Variants in ZNF431 observed in about 807,000 individuals in gnomAD.
ZNF431 encodes zinc finger protein 431.
A neutral mutation model predicts 57.0 loss-of-function variants in ZNF431; 34 were observed. The ratio of observed to expected loss-of-function variants is 0.60; its 90% CI spans 0.45 to 0.79. The LOEUF is 0.79. Among genes scored for constraint, ZNF431 ranks in the 30% least tolerant of loss-of-function variants. ZNF431 has a pLI of 0.00. For missense variants in ZNF431, 607 were observed against 667.1 expected (o/e 0.91, Z 0.99); for synonymous variants, 207 against 220.3 (o/e 0.94, Z 0.54).
At chr19:21,179,610 A>G (rs1262411318) in intron 4 of ZNF431, among the ~76,000 whole-genome samples, 3 of 133,864 alleles carry the variant, frequency 2.2e-5, no homozygotes, top group Middle Eastern at 4.6e-3. Context: ...CCCAGGCTGG[A>G]GTGTAGTGGT....
chr19:21,182,489 A>G (rs1483557857), intron 4 of ZNF431, 134 bp from the exon 5 acceptor site: 5 of 998,128 alleles, frequency 5.0e-6, no homozygotes, highest in African/African-American at 3.3e-5. Context: ...TTATATGTCT[A>G]TGAAGGATTT....
intron 3 of ZNF431, 59 bp downstream of exon 3, chr19:21,166,520 T>G (rs1297887506): frequency 2.0e-6 from 3 of 1,527,306 alleles, no homozygotes; most frequent in Admixed American, 4.7e-5. Context: ...TGTCTCTTTT[T>G]TTGTAGAATT....
chr19:21,180,417 A>G (rs1048179185), intron 4 of ZNF431, among the ~76,000 whole-genome samples: 3 of 151,798 alleles, frequency 2.0e-5, no homozygotes, highest in African/African-American at 4.8e-5. Context: ...AAAGAATTTT[A>G]TTTTTCTCCA....
intron 4 of ZNF431, among the ~76,000 whole-genome samples, chr19:21,168,371 A>ATT (rs548268547): frequency 4.1e-5 from 6 of 145,802 alleles, no homozygotes; most frequent in African/African-American, 7.5e-5. Flanking sequence ...CAAGACATGA[A>ATT]TTTTTTTTTT....
chr19:21,178,746 T>C (rs1200830381), intron 4 of ZNF431, among the ~76,000 whole-genome samples: 1 of 151,986 alleles, frequency 6.6e-6, no homozygotes, highest in Non-Finnish European at 1.5e-5. Flanking sequence ...CAGCATTTTA[T>C]TGAGAATTTT....
In ZNF431 at chr19:21,182,850, A is replaced by G. The variant is rs111280789; in HGVS notation, c.547A>G (p.Lys183Glu). The change falls in exon 5 of 5, where the codon AAA (lysine) becomes GAA (glutamate). Residue 183 changes from lysine (K) to glutamate (E), a missense_variant. Lys to Glu is a moderately conservative substitution (Grantham distance 56). Transcript: ENST00000311048. ...SKIFPCDKYV[K>E]VFHKFLNANR... ...AATATTTCCATGTGATAAATATGTG[A>G]AAGTCTTTCATAAATTTTTAAATGC... The G allele has an allele frequency of 1.2e-6, 2 of 1,614,024 alleles. No homozygotes were observed. The highest frequency in any genetic ancestry group is 1.7e-6 in the Non-Finnish European group (2 of 1,179,934).
chr19:21,145,245 G>A (rs2144918364), intron 2 of ZNF431, among the ~76,000 whole-genome samples: 1 of 152,322 alleles, frequency 6.6e-6, no homozygotes, highest in East Asian at 1.9e-4. Flanking sequence ...GGAGGCCAAG[G>A]TGGGTGGATC....
chr19:21,164,947 C>T (rs1173241536), intron 2 of ZNF431, among the ~76,000 whole-genome samples: 2 of 151,102 alleles, frequency 1.3e-5, no homozygotes, highest in African/African-American at 4.9e-5. Flanking sequence ...CCCGTCTCTA[C>T]TAAAAATACA....
In ZNF431 at chr19:21,184,079, G is replaced by A. The variant is rs1217995464; in HGVS notation, c.*45G>A. 1.3e-6 allele frequency: 2 copies of A among 1,501,366 alleles called. No individual in the cohort carries two copies. Among genetic ancestry groups the A allele is most frequent in the Admixed American group, 4.8e-5 (2 of 41,818 alleles). The allele number at this position is 1,501,366 out of a possible 1,614,324, so 93.0% of individuals were successfully genotyped here. On this transcript the variant is annotated 3_prime_UTR_variant, in exon 5 of 5. Coordinates refer to ENST00000311048, the MANE Select transcript of ZNF431 (RefSeq NM_133473.4). ...AAGCATTAAATATTGGCCGGGTGCG[G>A]TGGCTTATGCAAAATGGCTCCCAGC...
At chr19:21,160,397 A>G (rs929494011) in intron 2 of ZNF431, among the ~76,000 whole-genome samples, 26 of 152,192 alleles carry the variant, frequency 1.7e-4, no homozygotes, top group African/African-American at 6.3e-4. Flanking sequence ...GCCACAAAAT[A>G]TCCAGAGCCA....
Position 21,189,102 on chromosome 19 carries a change from G to A in ZNF431, c.*5068G>A, listed in dbSNP as rs1971448635. ...TTCTATGTTTTATAAATATTTTAAT[G>A]TGACAGGTAGAATCTGTACTTTTTC... On this transcript the variant is annotated 3_prime_UTR_variant, in exon 5 of 5. Coordinates refer to ENST00000311048, the MANE Select transcript of ZNF431 (RefSeq NM_133473.4). 6.6e-6 allele frequency: 1 copy of A among 152,100 alleles called. No individual in the cohort carries two copies. Among genetic ancestry groups the A allele is most frequent in the African/African-American group, 2.4e-5 (1 of 41,408 alleles). 9.4% of individuals were successfully genotyped at this position (152,100 alleles called of 1,614,324 possible).
intron 4 of ZNF431, among the ~76,000 whole-genome samples, chr19:21,170,811 C>T (rs1970865811): frequency 6.6e-6 from 1 of 152,100 alleles, no homozygotes; most frequent in East Asian, 1.9e-4. Context: ...ATAGCTGGGA[C>T]TACAGGCGTG....
In ZNF431 at chr19:21,183,874, C is replaced by T. The variant is rs770133905; in HGVS notation, c.1571C>T (p.Ser524Phe). Residue 524 changes from serine to phenylalanine, a missense_variant, in exon 5 of 5, where the codon TCC (serine) becomes TTC (phenylalanine). Physicochemically the swap from Ser to Phe is radical, Grantham distance 155 (BLOSUM62 -2). Transcript: ENST00000311048. ...CEECGKAFNQ[S>F]STLTKHRKIH... ...GAATGTGGTAAAGCCTTTAACCAATCCTCAACTCTTACTAAACATAGGAAA... is the reference window on the plus strand; with the variant it reads ...GAATGTGGTAAAGCCTTTAACCAATTCTCAACTCTTACTAAACATAGGAAA... 2.5e-6 allele frequency: 4 copies of T among 1,613,890 alleles called. No individual in the cohort carries two copies. The highest frequency in any genetic ancestry group is 3.4e-6 in the Non-Finnish European group (4 of 1,179,840).
chr19:21,154,075 C>A (rs190559509), intron 2 of ZNF431, among the ~76,000 whole-genome samples: 1 of 152,202 alleles, frequency 6.6e-6, no homozygotes, highest in East Asian at 1.9e-4. Flanking sequence ...GCACAACGTG[C>A]AGGTTAGTTA....
In ZNF431 at chr19:21,195,403, T is replaced by C. The variant is rs1411082693; in HGVS notation, c.*11369T>C. ...AAAAGGAACTTCTAAAGCTCCGAAG[T>C]GGTCAACAGTTTCACTTCCAACTTT... On this transcript the variant is annotated 3_prime_UTR_variant, in exon 5 of 5. Coordinates refer to ENST00000311048, the MANE Select transcript of ZNF431 (RefSeq NM_133473.4). 1 of 152,236 alleles carries C rather than the reference T, an allele frequency of 6.6e-6. No individual in the cohort carries two copies. The highest frequency in any genetic ancestry group is 1.5e-5 in the Non-Finnish European group (1 of 68,042). The allele number at this position is 152,236 out of a possible 1,614,324, so 9.4% of individuals were successfully genotyped here.
In ZNF431 at chr19:21,188,998, A is replaced by G. The variant is rs913910836; in HGVS notation, c.*4964A>G. On this transcript the variant is annotated 3_prime_UTR_variant, in exon 5 of 5. Transcript: ENST00000311048. The stretch of plus-strand genomic sequence containing the variant: ...ATGATTAAAAAATTAAATGACAATA[A>G]TAGCCCCAAAACTATATATTTTTGA... The G allele has an allele frequency of 4.6e-5, 7 of 152,186 alleles. No homozygotes were observed. Among genetic ancestry groups the G allele is most frequent in the African/African-American group, 1.4e-4 (6 of 41,446 alleles). The allele number at this position is 152,186 out of a possible 1,614,324, so 9.4% of individuals were successfully genotyped here. A position where few individuals can be genotyped will look rare whatever the true frequency, so the allele number is the denominator to read the frequency against.
intron 2 of ZNF431, chr19:21,149,644 AC>A: frequency 2.2e-6 from 1 of 453,780 alleles, no homozygotes; most frequent in African/African-American, 2.0e-5. Context: ...TCAACAGTGT[AC>A]ATTTAACCCA....
intron 2 of ZNF431, among the ~76,000 whole-genome samples, chr19:21,144,246 A>C (rs1451680641): frequency 6.6e-6 from 1 of 151,208 alleles, no homozygotes; most frequent in Non-Finnish European, 1.5e-5. Flanking sequence ...CTTGCTGCCC[A>C]GGCTGCAGAA....
chr19:21,147,605 GAAAA>G (rs71176821), intron 2 of ZNF431, among the ~76,000 whole-genome samples: 1 of 147,208 alleles, frequency 6.8e-6, no homozygotes. Flanking sequence ...CAGTCACAGT[GAAAA>G]AAAAAAAAAA....
Sources: gnomAD v4.1 joint callset for allele counts (sites outside exome capture counted in the v4.1 genomes callset) on GRCh38, gnomAD v4.1.1 for gene constraint, MANE v1.5 for transcripts, NCBI Gene and HGNC (gene_info 2026-07-23, HGNC 2026-07-21) for gene names.